The following CLMP variants were observed in gnomAD, a reference collection of about 807,000 sequenced individuals.
CLMP encodes CXADR like cell adhesion molecule.
Under a neutral mutation model 45.2 loss-of-function variants are expected in CLMP, and 27 were observed. That is an observed-to-expected ratio of 0.60 (90% CI 0.44 to 0.82). The LOEUF is 0.82. Among genes scored for constraint, CLMP ranks in the 40% least tolerant of loss-of-function variants. The probability of loss-of-function intolerance (pLI) is 0.00; values close to 1 mark genes in which losing one functional copy is unlikely to be tolerated. For missense variants in CLMP, 403 were observed against 448.4 expected (o/e 0.90, Z 0.91); for synonymous variants, 167 against 171.4 (o/e 0.97, Z 0.20).
At chr11:123,160,205 G>A (rs1024920777) in intron 1 of CLMP, among the ~76,000 whole-genome samples, 4 of 149,284 alleles carry the variant, frequency 2.7e-5, no homozygotes, top group South Asian at 2.1e-4. Flanking sequence ...ACTTGAACCC[G>A]GGAGGCAAAG....
chr11:123,170,087 T>A (rs573176827), intron 1 of CLMP, among the ~76,000 whole-genome samples: 1 of 152,224 alleles, frequency 6.6e-6, no homozygotes, highest in South Asian at 2.1e-4. Flanking sequence ...AGGAAAAGGG[T>A]CTGGAAGAGG....
chr11:123,145,151 C>T (rs1467857298), intron 1 of CLMP, among the ~76,000 whole-genome samples: 1 of 151,878 alleles, frequency 6.6e-6, no homozygotes, highest in African/African-American at 2.4e-5. Flanking sequence ...AAATTAATTT[C>T]CCCTGTTTCT....
Position 123,083,173 on chromosome 11 carries a change from A to C in CLMP, c.591T>G (p.Asn197Lys). The change falls in exon 5 of 7, where the codon AAT (asparagine) becomes AAG (lysine). Residue 197 changes from asparagine (N) to lysine (K), a missense_variant. Asn to Lys is a moderately conservative substitution (Grantham distance 94). Transcript: ENST00000448775. ...YNHPGRVLLQ[N>K]LTMSYSGLYQ... ...ACAGTCCAGAGTAGGACATGGTAAGATTCTGCAGCAGAACTCGTCCAGGGT... is the reference window on the plus strand; with the variant it reads ...ACAGTCCAGAGTAGGACATGGTAAGCTTCTGCAGCAGAACTCGTCCAGGGT... 1 of 1,614,154 alleles carries C rather than the reference A, an allele frequency of 6.2e-7. No individual in the cohort carries two copies. Among genetic ancestry groups the C allele is most frequent in the Non-Finnish European group, 8.5e-7 (1 of 1,180,006 alleles).
chr11:123,154,357 C>A (rs1419557160), intron 1 of CLMP, among the ~76,000 whole-genome samples: 1 of 152,180 alleles, frequency 6.6e-6, no homozygotes, highest in African/African-American at 2.4e-5. Context: ...AACCTATAGG[C>A]ACATTGGCTG....
intron 1 of CLMP, among the ~76,000 whole-genome samples, chr11:123,101,618 C>T (rs983071340): frequency 2.0e-5 from 3 of 152,174 alleles, no homozygotes; most frequent in East Asian, 1.9e-4. Context: ...TCTGAAACGG[C>T]CTTGGCAAGT....
Position 123,074,798 on chromosome 11 carries a change from A to G in CLMP, c.725T>C (p.Val242Ala), listed in dbSNP as rs1865716233. 5.0e-6 allele frequency: 8 copies of G among 1,614,170 alleles called. No individual in the cohort carries two copies. Among genetic ancestry groups the G allele is most frequent in the Non-Finnish European group, 6.8e-6 (8 of 1,180,022 alleles). ...GAGGAAAATCAGCAGGGCTCCAGCC[A>G]CTATGCCTGTCACTGCTCCTGCAAC... ...GMVAGAVTGIVAGALLIFLLV... is the reference protein window; with the variant it reads ...GMVAGAVTGIAAGALLIFLLV... Residue 242 changes from valine (V) to alanine (A), a missense_variant, in exon 6 of 7, where the codon GTG (valine) becomes GCG (alanine). By Grantham distance (64) the Val-to-Ala change is moderately conservative (BLOSUM62 0). Transcript: ENST00000448775.
chr11:123,112,014 T>G (rs1860646023), intron 1 of CLMP, among the ~76,000 whole-genome samples: 1 of 152,168 alleles, frequency 6.6e-6, no homozygotes, highest in African/African-American at 2.4e-5. Context: ...GGAAAAAAAC[T>G]TATTTTAATT....
chr11:123,145,115 A>AT (rs1224166081), intron 1 of CLMP, among the ~76,000 whole-genome samples: 2 of 152,206 alleles, frequency 1.3e-5, no homozygotes, highest in East Asian at 3.8e-4. Context: ...TATTTTATAT[A>AT]TTTAGGGTTA....
At chr11:123,076,213 C>G (rs1591447741) in intron 5 of CLMP, among the ~76,000 whole-genome samples, 1 of 152,082 alleles carries the variant, frequency 6.6e-6, no homozygotes, top group Non-Finnish European at 1.5e-5. Context: ...TGGAATATAA[C>G]CTATAATGTT....
intron 1 of CLMP, among the ~76,000 whole-genome samples, chr11:123,127,992 G>A (rs1312244986): frequency 2.1e-5 from 3 of 139,774 alleles, no homozygotes; most frequent in Admixed American, 7.9e-5. Flanking sequence ...AGCCAAGATC[G>A]CACCATTGCA....
At chr11:123,134,492 G>A (rs1281336023) in intron 1 of CLMP, among the ~76,000 whole-genome samples, 2 of 151,232 alleles carry the variant, frequency 1.3e-5, no homozygotes, top group Non-Finnish European at 2.9e-5. Context: ...GGGTTTTTAA[G>A]CAAGGGCATT....
intron 1 of CLMP, among the ~76,000 whole-genome samples, chr11:123,114,657 T>C (rs1860695522): frequency 1.3e-5 from 2 of 152,196 alleles, no homozygotes; most frequent in Admixed American, 6.5e-5. Context: ...AAATCACAGA[T>C]AGTACAAATT....
At chr11:123,168,929 C>A (rs996796986) in intron 1 of CLMP, among the ~76,000 whole-genome samples, 1 of 152,300 alleles carries the variant, frequency 6.6e-6, no homozygotes, top group South Asian at 2.1e-4. Flanking sequence ...GGCATCCAAG[C>A]ATTCACTCAG....
intron 1 of CLMP, among the ~76,000 whole-genome samples, chr11:123,193,559 A>G (rs1861936666): frequency 1.3e-5 from 2 of 152,226 alleles, no homozygotes; most frequent in African/African-American, 4.8e-5. Flanking sequence ...CACCTGCCTT[A>G]CTTGAGCAAT....
intron 1 of CLMP, among the ~76,000 whole-genome samples, chr11:123,122,314 T>C (rs959399682): frequency 3.3e-5 from 5 of 152,190 alleles, no homozygotes; most frequent in African/African-American, 1.2e-4. Context: ...CCAGGTACTC[T>C]GCTCCATTTT....
chr11:123,127,342 G>A (rs1259696391), intron 1 of CLMP, among the ~76,000 whole-genome samples: 1 of 151,988 alleles, frequency 6.6e-6, no homozygotes, highest in Non-Finnish European at 1.5e-5. Context: ...GACTGGTCTC[G>A]AACTCCTAAC....
At chr11:123,179,534 G>T (rs763143371) in intron 1 of CLMP, among the ~76,000 whole-genome samples, 57 of 152,150 alleles carry the variant, frequency 3.7e-4, no homozygotes, top group Non-Finnish European at 6.6e-4. Flanking sequence ...CAGAGAGAGT[G>T]GAGATTATAT....
intron 2 of CLMP, among the ~76,000 whole-genome samples, chr11:123,097,198 A>G (rs1320230904): frequency 6.6e-6 from 1 of 151,622 alleles, no homozygotes; most frequent in Non-Finnish European, 1.5e-5. Flanking sequence ...TGTATTGCCC[A>G]GGCTCAAGTG....
At chr11:123,125,798 G>C (rs1860885958) in intron 1 of CLMP, among the ~76,000 whole-genome samples, 1 of 151,502 alleles carries the variant, frequency 6.6e-6, no homozygotes, top group Non-Finnish European at 1.5e-5. Flanking sequence ...TAGAGACGGG[G>C]TTTCACCGTG....
Sources: allele counts gnomAD v4.1 joint callset (sites outside exome capture counted in the v4.1 genomes callset), GRCh38; gene constraint gnomAD v4.1.1; transcripts MANE v1.5; gene names NCBI Gene and HGNC (gene_info 2026-07-23, HGNC 2026-07-21).